The following SIGLEC9 variants were observed in gnomAD, a reference collection of about 807,000 sequenced individuals.
SIGLEC9 encodes sialic acid binding Ig like lectin 9, also known as sialic acid-binding Ig-like lectin 9.
SIGLEC9 carries 26 observed loss-of-function variants against 38.3 expected under a neutral mutation model. The ratio of observed to expected loss-of-function variants is 0.68; its 90% CI spans 0.50 to 0.94. The LOEUF (loss-of-function observed/expected upper bound fraction) is 0.94. SIGLEC9 is among the 40% of genes least tolerant of loss of function. SIGLEC9 has a pLI of 0.00. For missense variants in SIGLEC9, 556 were observed against 585.7 expected (o/e 0.95, Z 0.52); for synonymous variants, 236 against 248.0 (o/e 0.95, Z 0.45).
downstream of SIGLEC9, chr19:51,130,316 C>G (rs989355257): frequency 2.9e-6 from 2 of 697,262 alleles, no homozygotes; most frequent in Non-Finnish European, 4.0e-6. Context: ...TCCTACCTCT[C>G]TGTACCTTGG....
In SIGLEC9 at chr19:51,127,208, G is replaced by C. The variant is rs747937859; in HGVS notation, c.927G>C (p.Trp309Cys). The change falls in exon 4 of 7, where the codon TGG becomes TGC. Residue 309 changes from tryptophan (W) to cysteine (C), a missense_variant. By Grantham distance (215) the Trp-to-Cys change is radical. Coordinates refer to ENST00000250360, the MANE Select transcript of SIGLEC9 (RefSeq NM_014441.3). ...ACCCGGGGGTGCTGGAGCTGCCTTG[G>C]GTGCACCTGAGGGATGCAGCTGAAT... Reference protein sequence around the residue: ...PSNPGVLELPWVHLRDAAEFT... With the variant: ...PSNPGVLELPCVHLRDAAEFT... The C allele has an allele frequency of 3.1e-6, 5 of 1,614,188 alleles. No individual in the cohort carries two copies. The highest frequency in any genetic ancestry group is 4.2e-6 in the Non-Finnish European group (5 of 1,180,012).
chr19:51,126,146 C>T lies in SIGLEC9; in HGVS notation c.748+18C>T, dbSNP rs1169219375. ...CGGCACAGGTAGGATGGAGCTCCCT[C>T]CCTGGGGCTGGAGGAGCAGGGCCTT... On this transcript the variant is annotated intron_variant, in intron 3 of 6. Coordinates refer to ENST00000250360, the MANE Select transcript of SIGLEC9 (RefSeq NM_014441.3). 3.1e-6 allele frequency: 5 copies of T among 1,611,768 alleles called. No individual in the cohort carries two copies. The highest frequency in any genetic ancestry group is 4.2e-6 in the Non-Finnish European group (5 of 1,177,826).
chr19:51,124,134 T>G (rs548360480), upstream of SIGLEC9, among the ~76,000 whole-genome samples: 7 of 152,290 alleles, frequency 4.6e-5, no homozygotes, highest in African/African-American at 1.7e-4. Context: ...AGAAATATCT[T>G]CCCTTTTGAA....
At chr19:51,125,506 T>G in intron 1 of SIGLEC9, 91 bp from the exon 2 acceptor site, 1 of 1,562,656 alleles carries the variant, frequency 6.4e-7, no homozygotes, top group Non-Finnish European at 8.6e-7. Flanking sequence ...GCGAGTTGGC[T>G]CAGGGCAGGA....
intron 3 of SIGLEC9, among the ~76,000 whole-genome samples, chr19:51,126,469 G>T (rs1166413765): frequency 6.6e-6 from 1 of 152,162 alleles, no homozygotes; most frequent in East Asian, 1.9e-4. Context: ...TTCTGGACAG[G>T]TGATAAATGT....
chr19:51,136,086 G>C (rs1261460113), exon 7 of SIGLEC9: 9 of 703,714 alleles, frequency 1.3e-5, no homozygotes, highest in Non-Finnish European at 2.1e-5. Flanking sequence ...AGTCATTTCA[G>C]ACTCATTAAG....
exon 7 of SIGLEC9, chr19:51,136,154 G>A (rs1193423492): frequency 1.4e-6 from 1 of 703,700 alleles, no homozygotes; most frequent in South Asian, 1.5e-5. Flanking sequence ...GCTTTTGGAT[G>A]TGTCAGATTT....
chr19:51,127,681 T>C (rs922963820), intron 4 of SIGLEC9, among the ~76,000 whole-genome samples: 1 of 151,996 alleles, frequency 6.6e-6, no homozygotes, highest in African/African-American at 2.4e-5. Flanking sequence ...AATAATCTTT[T>C]AAAAAAAGTA....
chr19:51,129,098 A>T (rs2091997956), intron 6 of SIGLEC9: 1 of 152,450 alleles, frequency 6.6e-6, no homozygotes, highest in Non-Finnish European at 1.5e-5. Flanking sequence ...TCTAGAGTAA[A>T]AATCCCAAAC....
At chr19:51,131,336 C>T (rs2092013681), downstream of SIGLEC9, among the ~76,000 whole-genome samples, 1 of 152,180 alleles carries the variant, frequency 6.6e-6, no homozygotes, top group Admixed American at 6.5e-5. Context: ...GCCTGTAATT[C>T]CAGCACTTTG....
chr19:51,125,495 A>T, intron 1 of SIGLEC9, 100 bp downstream of exon 1: 1 of 1,555,870 alleles, frequency 6.4e-7, no homozygotes, highest in Admixed American at 2.0e-5. Context: ...CTTAGGGTGA[A>T]GCGAGTTGGC....
In SIGLEC9 at chr19:51,125,174, A is replaced by G. The variant is rs146058640; in HGVS notation, c.200A>G (p.Asn67Ser). ...VHGYWFREGANTDQDAPVATN... is the reference protein window; with the variant it reads ...VHGYWFREGASTDQDAPVATN... ...GGCTACTGGTTCCGGGAAGGGGCCA[A>G]TACAGACCAGGATGCTCCAGTGGCC... The change falls in exon 1 of 7, where the codon AAT becomes AGT. Residue 67 changes from asparagine (N) to serine (S), a missense_variant. By Grantham distance (46) the Asn-to-Ser change is conservative (BLOSUM62 1). Transcript: ENST00000250360. The G allele has an allele frequency of 1.2e-5, 20 of 1,613,934 alleles. No individual in the cohort carries two copies. The highest frequency in any genetic ancestry group is 1.1e-4 in the South Asian group (10 of 91,086).
Position 51,125,725 on chromosome 19 carries a change from T to C in SIGLEC9, c.550T>C (p.Ser184Pro). ...CCCTATGATCTCCTGGATAGGGACC[T>C]CCGTGTCCCCCCTGGACCCCTCCAC... is the stretch of plus-strand genomic sequence containing the variant. ...TPPMISWIGT[S>P]VSPLDPSTTR... The change falls in exon 2 of 7, where the codon TCC becomes CCC. Residue 184 changes from serine (S) to proline (P), a missense_variant. Transcript: ENST00000250360. 2 of 1,613,954 alleles carry C rather than the reference T, an allele frequency of 1.2e-6. No individual in the cohort carries two copies. Among genetic ancestry groups the C allele is most frequent in the Non-Finnish European group, 1.7e-6 (2 of 1,179,940 alleles).
Position 51,127,984 on chromosome 19 carries a change from G to A in SIGLEC9, c.1051G>A (p.Gly351Arg), listed in dbSNP as rs372152063. ...ATSGVTQGVVGGAGATALVFL... is the reference protein window; with the variant it reads ...ATSGVTQGVVRGAGATALVFL... ...ATCAGGAGTGACTCAGGGGGTGGTC[G>A]GGGGAGCTGGAGCCACAGCCCTGGT... Residue 351 changes from glycine (G) to arginine (R), a missense_variant, in exon 5 of 7, where the codon GGG becomes AGG. Physicochemically the swap from Gly to Arg is moderately radical, Grantham distance 125 (BLOSUM62 -2). Transcript: ENST00000250360. 28 of 1,613,478 alleles carry A rather than the reference G, an allele frequency of 1.7e-5. No homozygotes were observed. The highest frequency in any genetic ancestry group is 3.3e-5 in the Admixed American group (2 of 59,968).
chr19:51,128,146 T>C (rs1044403594), intron 5 of SIGLEC9, 107 bp downstream of exon 5: 11 of 947,624 alleles, frequency 1.2e-5, no homozygotes, highest in Non-Finnish European at 1.8e-5. Context: ...GGTCAAGAGC[T>C]TGGGGCAAGA....
chr19:51,128,000 C>T lies in SIGLEC9; in HGVS notation c.1067C>T (p.Thr356Ile), dbSNP rs1175655363. Residue 356 changes from threonine (T) to isoleucine (I), a missense_variant, in exon 5 of 7, where the codon ACA (threonine) becomes ATA (isoleucine). Transcript: ENST00000250360. ...GGGGTGGTCGGGGGAGCTGGAGCCA[C>T]AGCCCTGGTCTTCCTGTCCTTCTGC... Reference protein sequence around the residue: ...TQGVVGGAGATALVFLSFCVI... With the variant: ...TQGVVGGAGAIALVFLSFCVI... 14 of 1,613,944 alleles carry T rather than the reference C, an allele frequency of 8.7e-6. No individual in the cohort carries two copies. Among genetic ancestry groups the T allele is most frequent in the East Asian group, 2.2e-5 (1 of 44,898 alleles).
At chr19:51,122,925 C>T, upstream of SIGLEC9, 1 of 152,484 alleles carries the variant, frequency 6.6e-6, no homozygotes, top group Non-Finnish European at 1.5e-5. The surrounding 1 kb of genome is among the most constrained non-coding windows in gnomAD (Gnocchi z 4.1). Context: ...GGCTCACCAC[C>T]CACTGCGATT....
At chr19:51,125,467 C>A in intron 1 of SIGLEC9, 72 bp downstream of exon 1, 3 of 1,547,914 alleles carry the variant, frequency 1.9e-6, no homozygotes, top group East Asian at 2.2e-5. Flanking sequence ...GGGATGGAGC[C>A]CCTGCCCCAG....
chr19:51,128,157 A>G (rs1262991737), intron 5 of SIGLEC9, 118 bp downstream of exon 5: 5 of 850,300 alleles, frequency 5.9e-6, no homozygotes, highest in Non-Finnish European at 9.6e-6. Context: ...TGGGGCAAGA[A>G]GGAGGTCACA....
Sources: gnomAD v4.1 joint callset for allele counts (sites outside exome capture counted in the v4.1 genomes callset) on GRCh38, gnomAD v4.1.1 for gene constraint, Gnocchi (gnomAD v3.1) non-coding constraint, MANE v1.5 for transcripts, NCBI Gene and HGNC (gene_info 2026-07-23, HGNC 2026-07-21) for gene names.